SASH1: variants seen among roughly 807,000 people sequenced by gnomAD.
SASH1 encodes SAM and SH3 domain-containing protein 1.
SASH1 carries 44 observed loss-of-function variants against 125.2 expected under a neutral mutation model. The ratio of observed to expected loss-of-function variants is 0.35; its 90% CI spans 0.28 to 0.45. SASH1 has a LOEUF of 0.45. Ranked by LOEUF, SASH1 falls within the 20% of genes least tolerant of loss-of-function variation. The pLI, the probability that SASH1 is intolerant of heterozygous loss-of-function variation, is 1.00. For synonymous variants in SASH1, 639 were observed against 649.1 expected, an observed-to-expected ratio of 0.98 and a Z score of 0.24; for missense variants, 1,426 against 1,614.5, an observed-to-expected ratio of 0.88 and a Z score of 2.00.
At chr6:148,372,355 G>A (rs886169307) in intron 1 of SASH1, among the ~76,000 whole-genome samples, 18 of 152,242 alleles carry the variant, frequency 1.2e-4, no homozygotes, top group Admixed American at 3.3e-4. Flanking sequence ...TAGAACTGAC[G>A]CCTCTTAGGA....
intron 1 of SASH1, among the ~76,000 whole-genome samples, chr6:148,285,765 A>G (rs917641473): frequency 1.3e-5 from 2 of 152,308 alleles, no homozygotes; most frequent in South Asian, 2.1e-4. Context: ...GTTCTAACCA[A>G]ATGAGAAAGG....
chr6:148,282,687 A>G (rs1779374694), intron 1 of SASH1, among the ~76,000 whole-genome samples: 2 of 151,950 alleles, frequency 1.3e-5, no homozygotes, highest in Non-Finnish European at 2.9e-5. Flanking sequence ...GCCTCAGGAG[A>G]TCTTACGCAT....
chr6:148,334,211 T>G (rs1582978493), intron 1 of SASH1, among the ~76,000 whole-genome samples: 1 of 131,332 alleles, frequency 7.6e-6, no homozygotes, highest in African/African-American at 2.8e-5. Context: ...GATCACGAGG[T>G]CAGGAGATCG....
At chr6:148,447,723 ATCCTCCTCCTCCTCT>A (rs1411953912) in intron 4 of SASH1, among the ~76,000 whole-genome samples, 5 of 82,350 alleles carry the variant, frequency 6.1e-5, no homozygotes, top group Admixed American at 2.3e-4. Flanking sequence ...CCTCCTCCTC[ATCCTCCTCCTCCTCT>A]TCCTCCTCCT....
chr6:148,393,327 T>C (rs1430099887), intron 2 of SASH1, among the ~76,000 whole-genome samples: 1 of 151,908 alleles, frequency 6.6e-6, no homozygotes, highest in Non-Finnish European at 1.5e-5. Context: ...CCCAAAGTGC[T>C]GGGATTACAG....
In SASH1 at chr6:148,529,452, G is replaced by C. The variant is rs1013724031; in HGVS notation, c.1428+1856G>C. Among the ~76,000 whole-genome samples the C allele has an allele frequency of 1.3e-5, 2 of 152,152 alleles. No homozygotes were observed. The highest frequency in any genetic ancestry group is 4.8e-5 in the African/African-American group (2 of 41,440). Reference sequence around the variant, plus strand: ...TGTCCTTGTGGGTGACGGAGTGATAGTGATTCTATATTTCTTCCCAGCAAT... The same window carrying C: ...TGTCCTTGTGGGTGACGGAGTGATACTGATTCTATATTTCTTCCCAGCAAT... On this transcript the variant is annotated intron_variant, in intron 12 of 19. Transcript: ENST00000367467. The surrounding 1 kb of genome is among the most constrained non-coding windows in gnomAD (Gnocchi z 4.2).
chr6:148,490,502 C>T (rs957487411), intron 8 of SASH1, among the ~76,000 whole-genome samples: 14 of 152,220 alleles, frequency 9.2e-5, no homozygotes, highest in African/African-American at 3.4e-4. Context: ...GCCACTGCGC[C>T]TGGCCTCATA....
At chr6:148,286,324 C>A (rs1179898653) in intron 1 of SASH1, among the ~76,000 whole-genome samples, 2 of 151,806 alleles carry the variant, frequency 1.3e-5, no homozygotes, top group Non-Finnish European at 2.9e-5. Context: ...TCACTTGAAC[C>A]TGGGAGGCGG....
chr6:148,387,682 T>TTCTC (rs1783523098), intron 1 of SASH1, among the ~76,000 whole-genome samples: 1 of 122,824 alleles, frequency 8.1e-6, no homozygotes. Flanking sequence ...CTTTCTTTCT[T>TTCTC]TCTTTCTTTC....
chr6:148,458,398 G>A (rs1467976110), intron 4 of SASH1, among the ~76,000 whole-genome samples: 1 of 152,144 alleles, frequency 6.6e-6, no homozygotes, highest in Non-Finnish European at 1.5e-5. Context: ...TTAACAAGGT[G>A]TACTGCTACC....
At chr6:148,373,328 G>C (rs1782769103) in intron 1 of SASH1, among the ~76,000 whole-genome samples, 1 of 152,192 alleles carries the variant, frequency 6.6e-6, no homozygotes, top group Non-Finnish European at 1.5e-5. Flanking sequence ...GGGAAGAGCT[G>C]AGCAGGCCGA....
At chr6:148,273,170 G>T (rs1474622384) in intron 1 of SASH1, among the ~76,000 whole-genome samples, 1 of 151,990 alleles carries the variant, frequency 6.6e-6, no homozygotes, top group Non-Finnish European at 1.5e-5. Context: ...TGAGGCAGGA[G>T]GATCTCTTGA....
intron 1 of SASH1, among the ~76,000 whole-genome samples, chr6:148,385,631 G>T (rs935842714): frequency 1.3e-5 from 2 of 152,122 alleles, no homozygotes; most frequent in Non-Finnish European, 2.9e-5. Context: ...AGGGGAGAGG[G>T]GCTGAAGGTT....
intron 1 of SASH1, among the ~76,000 whole-genome samples, chr6:148,352,880 G>T (rs1052519525): frequency 1.3e-5 from 2 of 151,948 alleles, no homozygotes; most frequent in South Asian, 2.1e-4. Flanking sequence ...GAGGCAGGGA[G>T]AATTGCTTGA....
At chr6:148,300,882 C>A (rs927929527) in intron 1 of SASH1, among the ~76,000 whole-genome samples, 2 of 152,110 alleles carry the variant, frequency 1.3e-5, no homozygotes, top group South Asian at 2.1e-4. Context: ...TTCCCTATTT[C>A]TTTTACTGTA....
At chr6:148,378,545 A>G (rs1237758770) in intron 1 of SASH1, among the ~76,000 whole-genome samples, 5 of 152,078 alleles carry the variant, frequency 3.3e-5, no homozygotes, top group African/African-American at 1.2e-4. Context: ...TTCTTGGTAG[A>G]ACTGGGGTTT....
intron 1 of SASH1, among the ~76,000 whole-genome samples, chr6:148,367,963 G>C (rs1052159085): frequency 2.0e-5 from 3 of 152,216 alleles, no homozygotes; most frequent in African/African-American, 7.2e-5. Flanking sequence ...TAATGGAGTG[G>C]AGGATGTGGC....
In SASH1 at chr6:148,409,662, G is replaced by A. The variant is rs144549276; in HGVS notation, c.285+19400G>A. Among the ~76,000 whole-genome samples, 797 of 152,356 alleles carry A rather than the reference G, an allele frequency of 5.2e-3. 7 individuals carry two copies. Among genetic ancestry groups the A allele is most frequent in the African/African-American group, 0.018 (756 of 41,582 alleles). On this transcript the variant is annotated intron_variant, in intron 2 of 19. Transcript: ENST00000367467. Reference sequence around the variant, plus strand: ...ATGTATCAAGTGACCAATTCTGGGCGTGGTGGCTCACGCCTGTAATCCCAG... The same window carrying A: ...ATGTATCAAGTGACCAATTCTGGGCATGGTGGCTCACGCCTGTAATCCCAG...
the SASH1 span, among the ~76,000 whole-genome samples, chr6:148,199,683 C>T: frequency 6.7e-6 from 1 of 149,240 alleles, no homozygotes; most frequent in African/African-American, 2.5e-5. Context: ...GGTGACAGAG[C>T]AAGACTTTGT....
Sources: allele counts gnomAD v4.1 joint callset (sites outside exome capture counted in the v4.1 genomes callset), GRCh38; gene constraint gnomAD v4.1.1; non-coding constraint Gnocchi (gnomAD v3.1); transcripts MANE v1.5; gene names NCBI Gene and HGNC (gene_info 2026-07-23, HGNC 2026-07-21).